RFC5: variants seen among roughly 807,000 people sequenced by gnomAD.
The protein encoded by RFC5 is replication factor C subunit 5.
Under a neutral mutation model 44.3 loss-of-function variants are expected in RFC5, and 26 were observed. The ratio of observed to expected loss-of-function variants is 0.59; its 90% CI spans 0.43 to 0.81. The LOEUF (loss-of-function observed/expected upper bound fraction) is 0.81, where lower values mean the gene tolerates loss of function less well. Ranked by LOEUF, RFC5 falls within the 40% of genes least tolerant of loss-of-function variation. The pLI is 0.00. For synonymous variants in RFC5, 155 were observed against 155.2 expected (o/e 1.00, Z 0.01); for missense variants, 328 against 418.6 (o/e 0.78, Z 1.89).
At chr12:118,026,338 C>T (rs962929532) in intron 7 of RFC5, among the ~76,000 whole-genome samples, 1 of 152,096 alleles carries the variant, frequency 6.6e-6, no homozygotes, top group South Asian at 2.1e-4. Context: ...TATGGTGGCT[C>T]ACGCCTGTAA....
intron 10 of RFC5, 74 bp downstream of exon 10, chr12:118,029,899 T>C (rs1443702860): frequency 1.7e-6 from 2 of 1,172,638 alleles, no homozygotes; most frequent in East Asian, 2.3e-5. Context: ...GTTTCAACTT[T>C]CTTGGTTTCA....
intron 5 of RFC5, among the ~76,000 whole-genome samples, chr12:118,023,078 C>CG (rs2030627809): frequency 3.2e-5 from 2 of 62,236 alleles, no homozygotes; most frequent in Non-Finnish European, 5.7e-5. Flanking sequence ...ATCAGATAGT[C>CG]CTTCTGCTAA....
intron 1 of RFC5, 64 bp downstream of exon 1, chr12:118,016,956 G>T: frequency 7.4e-7 from 1 of 1,357,920 alleles, no homozygotes; most frequent in South Asian, 1.2e-5. Flanking sequence ...GGGAGGAGGT[G>T]GCTGGGGTGG....
rs373873146 is a variant in RFC5, at chr12:118,027,944, C to T, written c.794-9C>T. 8 of 1,577,250 alleles carry T rather than the reference C, an allele frequency of 5.1e-6. No individual in the cohort carries two copies. In the African/African-American group the frequency reaches 9.4e-5, roughly 19 times the overall value. On this transcript the variant is annotated splice_polypyrimidine_tract_variant and intron_variant, in intron 8 of 10. Coordinates refer to ENST00000454402, the MANE Select transcript of RFC5 (RefSeq NM_007370.7). The stretch of plus-strand genomic sequence containing the variant: ...GAACTTGTTCCCTTTGCCTTAACTG[C>T]TCCTCTAGATATTACAGAGTTGAAA...
downstream of RFC5, chr12:118,034,583 G>GCTCTCTCTCTCTCTC (rs1555267406): frequency 7.5e-3 from 4,046 of 538,008 alleles, 46 homozygotes; most frequent in Admixed American, 0.055. Flanking sequence ...CGCTCTCTCT[G>GCTCTCTCTCTCTCTC]TCTCTCTCTC....
In RFC5 at chr12:118,019,569, G is replaced by A; in HGVS notation, c.131-63G>A. 1 of 1,598,410 alleles carries A rather than the reference G, an allele frequency of 6.3e-7. No individual in the cohort carries two copies. The highest frequency in any genetic ancestry group is 8.6e-7 in the Non-Finnish European group (1 of 1,168,462). On this transcript the variant is annotated intron_variant, in intron 2 of 10. Coordinates refer to ENST00000454402, the MANE Select transcript of RFC5 (RefSeq NM_007370.7). The surrounding 1 kb of genome is among the most constrained non-coding windows in gnomAD (Gnocchi z 4.2). Reference sequence around the variant, plus strand: ...GAAGAGCTTTCAGCCCAACTCAGGAGCCCAGGGTGAATGAGGCAGCTCCCA... The same window carrying A: ...GAAGAGCTTTCAGCCCAACTCAGGAACCCAGGGTGAATGAGGCAGCTCCCA...
At chr12:118,025,600 G>A (rs1248408594) in intron 6 of RFC5, 147 bp from the exon 7 acceptor site, 1 of 580,818 alleles carries the variant, frequency 1.7e-6, no homozygotes, top group African/African-American at 1.9e-5. Flanking sequence ...GTGAATTCTA[G>A]ATCATATAGA....
At chr12:118,036,174 C>T (rs1214298604), downstream of RFC5, 40 of 844,954 alleles carry the variant, frequency 4.7e-5, no homozygotes, top group East Asian at 1.1e-3. Context: ...TGCACTCCAG[C>T]CTGGGTGACA....
At chr12:118,040,191 A>G in the RFC5 span, among the ~76,000 whole-genome samples, 1 of 151,974 alleles carries the variant, frequency 6.6e-6, no homozygotes, top group Non-Finnish European at 1.5e-5. Flanking sequence ...AAGGTCAATC[A>G]TGGTTTCTTC....
downstream of RFC5, chr12:118,037,987 G>A: frequency 4.0e-6 from 1 of 251,618 alleles, no homozygotes; most frequent in Non-Finnish European, 7.6e-6. Context: ...CATGTGGGCT[G>A]CAACTTTTAA....
Position 118,028,443 on chromosome 12 carries a change from C to T in RFC5, c.871+413C>T, listed in dbSNP as rs1296567211. Among the ~76,000 whole-genome samples the T allele has an allele frequency of 2.7e-5, 4 of 150,188 alleles. No individual in the cohort carries two copies. In the East Asian group the frequency reaches 5.9e-4, roughly 22 times the overall value. On this transcript the variant is annotated intron_variant, in intron 9 of 10. Transcript: ENST00000454402. ...GAGGTTGCAGTGAGCCAAGATTTGC[C>T]ACTGCACTCCAGCCTGGGCGACAGA... is the stretch of plus-strand genomic sequence containing the variant.
chr12:118,024,366 A>T (rs561941611), intron 5 of RFC5, among the ~76,000 whole-genome samples: 1 of 151,540 alleles, frequency 6.6e-6, no homozygotes, highest in Non-Finnish European at 1.5e-5. Context: ...GGAGTGGCTA[A>T]TCTCTGATCT....
the RFC5 span, among the ~76,000 whole-genome samples, chr12:118,038,707 C>T: frequency 5.9e-5 from 9 of 152,146 alleles, no homozygotes; most frequent in South Asian, 2.1e-4. Flanking sequence ...TGGAGTCTTG[C>T]TCTTGCTCTG....
intron 8 of RFC5, 78 bp downstream of exon 8, chr12:118,027,096 C>T: frequency 2.8e-6 from 4 of 1,441,448 alleles, no homozygotes; most frequent in Non-Finnish European, 3.8e-6. Context: ...AGCACCCACA[C>T]CTTGCTGGCA....
chr12:118,025,155 C>T (rs2030850055), intron 6 of RFC5, 145 bp downstream of exon 6: 1 of 609,194 alleles, frequency 1.6e-6, no homozygotes, highest in Non-Finnish European at 2.8e-6. Flanking sequence ...GGACCGTCCA[C>T]TGCTATCATT....
chr12:118,024,406 T>C (rs1188358605), intron 5 of RFC5, among the ~76,000 whole-genome samples: 2 of 151,948 alleles, frequency 1.3e-5, no homozygotes, highest in Non-Finnish European at 2.9e-5. Context: ...TGTCTTGTCA[T>C]AGGCTGCAGC....
rs2030525178 is a variant in RFC5 at position 118,021,926 on chromosome 12, C to T, written c.348-360C>T. 2.6e-5 allele frequency among the ~76,000 whole-genome samples: 4 copies of T among 152,146 alleles called. No individual in the cohort carries two copies. The South Asian group carries it at 8.3e-4, about 32-fold the overall frequency. On this transcript the variant is annotated intron_variant, in intron 4 of 10. Transcript: ENST00000454402. ...GAGCCAAGATCGCGGCACTGCACTC[C>T]AGCCTGGGCAACAGAGCAAAAACTT...
chr12:118,034,312 A>G (rs766902724), downstream of RFC5: 48 of 1,614,136 alleles, frequency 3.0e-5, no homozygotes, highest in Non-Finnish European at 4.0e-5. Flanking sequence ...TTCAGTGAGG[A>G]CAGGACCCTA....
downstream of RFC5, chr12:118,036,299 C>T (rs200118115): frequency 5.0e-6 from 8 of 1,593,822 alleles, no homozygotes; most frequent in South Asian, 5.6e-5. Context: ...CCTCATCAGT[C>T]CCCCCACAAA....
Sources: allele counts gnomAD v4.1 joint callset (sites outside exome capture counted in the v4.1 genomes callset), GRCh38; gene constraint gnomAD v4.1.1; non-coding constraint Gnocchi (gnomAD v3.1); transcripts MANE v1.5; gene names NCBI Gene and HGNC (gene_info 2026-07-23, HGNC 2026-07-21).